Variants in RGR observed in about 807,000 individuals in gnomAD.
RGR encodes retinal G protein coupled receptor, also known as RPE-retinal G protein-coupled receptor.
A neutral mutation model predicts 28.6 loss-of-function variants in RGR; 30 were observed. The observed-to-expected ratio is 1.05, with a 90% confidence interval of 0.78 to 1.42. RGR has a LOEUF of 1.42. RGR is among the 40% of genes most tolerant of loss of function. The probability of loss-of-function intolerance (pLI) is 0.00; values close to 1 mark genes in which losing one functional copy is unlikely to be tolerated. For synonymous variants in RGR, 180 were observed against 156.4 expected (o/e 1.15, Z -1.13); for missense variants, 404 against 375.6 (o/e 1.08, Z -0.62).
chr10:84,253,160 C>A, intron 4 of RGR, 150 bp downstream of exon 4: 1 of 900,456 alleles, frequency 1.1e-6, no homozygotes, highest in Non-Finnish European at 1.7e-6. Flanking sequence ...TACCCACCTG[C>A]AGGTGGACAG....
In RGR at chr10:84,258,539, C is replaced by A; in HGVS notation, c.776C>A (p.Thr259Lys). 1 of 1,614,206 alleles carries A rather than the reference C, an allele frequency of 6.2e-7. No individual in the cohort carries two copies. The highest frequency in any genetic ancestry group is 2.2e-5 in the East Asian group (1 of 44,890). Residue 259 changes from threonine to lysine, a missense_variant, in exon 7 of 7, where the codon ACG (threonine) becomes AAG (lysine). Coordinates refer to ENST00000652092, the MANE Select transcript of RGR (RefSeq NM_001012720.2). ...GCCCTCATTGCCAAAATGGTGCCCA[C>A]GATCAATGCCATCAACTATGCCCTG... Reference protein sequence around the residue: ...VPALIAKMVPTINAINYALGN... With the variant: ...VPALIAKMVPKINAINYALGN...
At chr10:84,251,240 T>A (rs1387236165) in intron 3 of RGR, among the ~76,000 whole-genome samples, 2 of 151,938 alleles carry the variant, frequency 1.3e-5, no homozygotes, top group Admixed American at 6.6e-5. Flanking sequence ...GTCTCAAAAA[T>A]TTTTTTAAAA....
At position 84,257,924 on chromosome 10, in the gene RGR, T is replaced by A. The variant is rs1395339496; in HGVS notation, c.662T>A (p.Leu221Gln). 2 of 1,614,168 alleles carry A rather than the reference T, an allele frequency of 1.2e-6. No homozygotes were observed. Among genetic ancestry groups the A allele is most frequent in the East Asian group, 2.2e-5 (1 of 44,868 alleles). ...ACCACTCTGCCAGCAAGGACGCTGC[T>A]GCTCGGCTGGGGCCCCTATGCCATC... is the stretch of plus-strand genomic sequence containing the variant. Reference protein sequence around the residue: ...VNTTLPARTLLLGWGPYAILY... With the variant: ...VNTTLPARTLQLGWGPYAILY... Residue 221 changes from leucine (L) to glutamine (Q), a missense_variant, in exon 6 of 7, where the codon CTG becomes CAG. Leu to Gln is a moderately radical substitution (Grantham distance 113, BLOSUM62 -2). Transcript: ENST00000652092.
At chr10:84,253,480 G>A (rs779938502) in intron 4 of RGR, among the ~76,000 whole-genome samples, 1 of 152,180 alleles carries the variant, frequency 6.6e-6, no homozygotes, top group Non-Finnish European at 1.5e-5. Context: ...AAATAGGACA[G>A]AATGCATGAG....
rs933909175 is a variant in RGR, at chr10:84,259,259, C to T, written c.*620C>T. ...ATTCCATTCCATATACATATATAAA[C>T]GTTATATATATGTAACGTTTTCTTT... On this transcript the variant is annotated 3_prime_UTR_variant, in exon 7 of 7. Transcript: ENST00000652092. 5 of 156,396 alleles carry T rather than the reference C, an allele frequency of 3.2e-5. No homozygotes were observed. Among genetic ancestry groups the T allele is most frequent in the East Asian group, 1.9e-4 (1 of 5,312 alleles). The allele number at this position is 156,396 out of a possible 1,614,324, so 9.7% of individuals were successfully genotyped here.
At position 84,248,927 on chromosome 10, in the gene RGR, G is replaced by T. The variant is rs141449002; in HGVS notation, c.242G>T (p.Trp81Leu). 4 of 1,614,206 alleles carry T rather than the reference G, an allele frequency of 2.5e-6. No homozygotes were observed. The highest frequency in any genetic ancestry group is 3.4e-6 in the Non-Finnish European group (4 of 1,180,036). ...VAATSSLLRR[W>L]PYGSDGCQAH... Reference sequence around the variant, plus strand: ...GTGCCCAGTGTCTCCCACAGGCGCTGGCCCTACGGCTCGGACGGCTGCCAG... The same window carrying T: ...GTGCCCAGTGTCTCCCACAGGCGCTTGCCCTACGGCTCGGACGGCTGCCAG... Residue 81 changes from tryptophan to leucine, a missense_variant, in exon 3 of 7, where the codon TGG (tryptophan) becomes TTG (leucine). Trp to Leu is a moderately conservative substitution (Grantham distance 61). Coordinates refer to ENST00000652092, the MANE Select transcript of RGR (RefSeq NM_001012720.2).
rs775412390 is a variant in RGR, at chr10:84,249,043, C to T, written c.358C>T (p.Arg120Cys). The T allele has an allele frequency of 7.4e-6, 12 of 1,613,756 alleles. No homozygotes were observed. The highest frequency in any genetic ancestry group is 1.0e-5 in the Non-Finnish European group (12 of 1,179,826). Residue 120 changes from arginine (R) to cysteine (C), a missense_variant and splice_region_variant, in exon 3 of 7, where the codon CGT becomes TGT. By Grantham distance (180) the Arg-to-Cys change is radical. Coordinates refer to ENST00000652092, the MANE Select transcript of RGR (RefSeq NM_001012720.2). ...AWGRYHHYCT[R>C]SQLAWNSAVS... ...GGGGCGTTATCACCACTACTGCACC[C>T]GTATGTATCTGGGCTCCTGGAGTGG...
At chr10:84,255,865 T>G (rs1038230032) in intron 5 of RGR, among the ~76,000 whole-genome samples, 6 of 150,948 alleles carry the variant, frequency 4.0e-5, no homozygotes, top group African/African-American at 1.5e-4. Context: ...CCTGGGATTA[T>G]AGGCATGTGC....
chr10:84,258,248 A>G (rs1410059145), intron 6 of RGR, among the ~76,000 whole-genome samples: 1 of 152,138 alleles, frequency 6.6e-6, no homozygotes, highest in African/African-American at 2.4e-5. Context: ...AGGGACAGCC[A>G]GCCAGATGGT....
rs11817115 is a variant in RGR, at chr10:84,259,055, A to G, written c.*416A>G. 34,419 of 277,554 alleles carry G rather than the reference A, an allele frequency of 0.12. 2,253 individuals are homozygous for G. The highest frequency in any genetic ancestry group is 0.16 in the Middle Eastern group (128 of 776). 17.2% of individuals were successfully genotyped at this position (277,554 alleles called of 1,614,324 possible). ...ACCTTGTCACCCTTCTGAGTCTCCA[A>G]TGTCTATTATTCCACACTCCATGTC... On this transcript the variant is annotated 3_prime_UTR_variant, in exon 7 of 7. Coordinates refer to ENST00000652092, the MANE Select transcript of RGR (RefSeq NM_001012720.2).
chr10:84,257,143 G>T (rs1262083529), intron 5 of RGR, among the ~76,000 whole-genome samples: 6 of 152,228 alleles, frequency 3.9e-5, no homozygotes, highest in Non-Finnish European at 8.8e-5. Context: ...GCAAGAACTT[G>T]AGCGTCAGAA....
intron 5 of RGR, among the ~76,000 whole-genome samples, chr10:84,256,162 G>A (rs1348949259): frequency 1.5e-5 from 2 of 135,420 alleles, no homozygotes; most frequent in East Asian, 4.4e-4. Flanking sequence ...TCCGCCTCTC[G>A]GGTTCAAGCG....
chr10:84,255,398 T>A (rs892159688), intron 5 of RGR: 2 of 152,236 alleles, frequency 1.3e-5, no homozygotes. Flanking sequence ...ATGTGAGGTT[T>A]GGCACAAAGT....
At position 84,247,595 on chromosome 10, in the gene RGR, C is replaced by T; in HGVS notation, c.84C>T (p.Leu28=). ...AGCCCCCACCCTTCCTTTCAGCTCT[C>T]TCCGGTCTCAGCCTCAATACCCTGA... is the stretch of plus-strand genomic sequence containing the variant. ...AVGMVLLVEA[L]SGLSLNTLTI... Residue 28 remains leucine (L), a synonymous_variant, in exon 2 of 7, where the codon CTC becomes CTT. Coordinates refer to ENST00000652092, the MANE Select transcript of RGR (RefSeq NM_001012720.2). 1 of 1,614,194 alleles carries T rather than the reference C, an allele frequency of 6.2e-7. No individual in the cohort carries two copies. Among genetic ancestry groups the T allele is most frequent in the Non-Finnish European group, 8.5e-7 (1 of 1,180,044 alleles).
Position 84,247,597 on chromosome 10 carries a change from C to T in RGR, c.86C>T (p.Ser29Phe). ...VGMVLLVEALSGLSLNTLTIF... is the reference protein window; with the variant it reads ...VGMVLLVEALFGLSLNTLTIF... The stretch of plus-strand genomic sequence containing the variant: ...CCCCCACCCTTCCTTTCAGCTCTCT[C>T]CGGTCTCAGCCTCAATACCCTGACC... Residue 29 changes from serine to phenylalanine, a missense_variant, in exon 2 of 7, where the codon TCC becomes TTC. Coordinates refer to ENST00000652092, the MANE Select transcript of RGR (RefSeq NM_001012720.2). 1 of 1,614,180 alleles carries T rather than the reference C, an allele frequency of 6.2e-7. No individual in the cohort carries two copies.
intron 2 of RGR, chr10:84,248,463 G>A (rs1589330161): frequency 7.2e-6 from 2 of 277,574 alleles, no homozygotes; most frequent in East Asian, 1.9e-4. Context: ...AGCCTGGGGG[G>A]TCTGCATCAG....
chr10:84,254,368 C>T lies in RGR; in HGVS notation c.555C>T (p.Phe185=), dbSNP rs371257949. 35 of 1,614,040 alleles carry T rather than the reference C, an allele frequency of 2.2e-5. No homozygotes were observed. Among genetic ancestry groups the T allele is most frequent in the Non-Finnish European group, 2.5e-5 (30 of 1,180,032 alleles). ...TCTTCACCATGTCCTTCTTCAACTT[C>T]GCCATGCCCCTCTTCATCACGATCA... ...SFLFTMSFFN[F]AMPLFITITS... The change falls in exon 5 of 7, where the codon TTC becomes TTT. Residue 185 remains phenylalanine (F), a synonymous_variant. Coordinates refer to ENST00000652092, the MANE Select transcript of RGR (RefSeq NM_001012720.2).
intron 3 of RGR, among the ~76,000 whole-genome samples, chr10:84,251,920 T>A (rs911087684): frequency 1.3e-5 from 2 of 152,078 alleles, no homozygotes; most frequent in Non-Finnish European, 2.9e-5. Flanking sequence ...AAGCAAACTG[T>A]CAGATGAGGG....
intron 5 of RGR, among the ~76,000 whole-genome samples, chr10:84,255,654 A>G (rs1407055894): frequency 1.3e-5 from 2 of 151,852 alleles, no homozygotes; most frequent in African/African-American, 2.4e-5. Flanking sequence ...AACAAAGATT[A>G]GAACAAATTC....
Sources: gnomAD v4.1 joint callset for allele counts (sites outside exome capture counted in the v4.1 genomes callset) on GRCh38, gnomAD v4.1.1 for gene constraint, MANE v1.5 for transcripts, NCBI Gene and HGNC (gene_info 2026-07-23, HGNC 2026-07-21) for gene names.